Variants in VWA2 observed in about 807,000 individuals in gnomAD.
VWA2 encodes the protein von Willebrand factor A domain containing 2.
In VWA2, 73 loss-of-function variants were observed where a neutral mutation model predicts 70.4. The observed-to-expected ratio is 1.04, with a 90% CI of 0.86 to 1.26. The LOEUF (loss-of-function observed/expected upper bound fraction) is 1.26, where lower values mean the gene tolerates loss of function less well. Ranked by LOEUF, VWA2 falls within the 50% of genes most tolerant of loss-of-function variation. VWA2 has a pLI of 0.00. For missense variants in VWA2, 1,011 were observed against 998.5 expected, an observed-to-expected ratio of 1.01 and a Z score of -0.17; for synonymous variants, 407 against 423.3, an observed-to-expected ratio of 0.96 and a Z score of 0.47.
intron 5 of VWA2, among the ~76,000 whole-genome samples, chr10:114,272,232 A>T (rs948528542): frequency 1.3e-5 from 2 of 152,236 alleles, no homozygotes; most frequent in Non-Finnish European, 2.9e-5. Flanking sequence ...TCCAGCTCCC[A>T]ACCCTGAATT....
In VWA2 at chr10:114,251,526, G is replaced by T. The variant is rs186592052; in HGVS notation, c.53-2125G>T. Among the ~76,000 whole-genome samples, 24 of 152,358 alleles carry T rather than the reference G, an allele frequency of 1.6e-4. 1 individual carries two copies. In the East Asian group the frequency reaches 3.7e-3, roughly 23 times the overall value. On this transcript the variant is annotated intron_variant, in intron 2 of 13. Coordinates refer to ENST00000392982, the MANE Select transcript of VWA2 (RefSeq NM_001272046.2). ...AGTTTGCTGGTAAGATATTTTAAAA[G>T]AAACTGTATTTTTCTGTTCTTTTTG...
intron 5 of VWA2, among the ~76,000 whole-genome samples, chr10:114,265,152 A>G (rs2133340470): frequency 6.6e-6 from 1 of 152,358 alleles, no homozygotes; most frequent in Admixed American, 6.5e-5. Flanking sequence ...GGGGTAAAGA[A>G]TAGATTTTGG....
At chr10:114,284,452 G>A (rs1332299683) in intron 9 of VWA2, among the ~76,000 whole-genome samples, 1 of 152,190 alleles carries the variant, frequency 6.6e-6, no homozygotes, top group African/African-American at 2.4e-5. Context: ...TGCAGGATCC[G>A]AAGGCTGGTG....
intron 2 of VWA2, among the ~76,000 whole-genome samples, chr10:114,249,775 C>T (rs533308045): frequency 5.9e-5 from 9 of 152,238 alleles, no homozygotes; most frequent in South Asian, 4.1e-4. Flanking sequence ...GTCTTTACAG[C>T]GGCCATTTCA....
At chr10:114,249,350 G>A (rs949507916) in intron 2 of VWA2, among the ~76,000 whole-genome samples, 11 of 152,102 alleles carry the variant, frequency 7.2e-5, no homozygotes, top group South Asian at 4.2e-4. Flanking sequence ...TCCACCTCCC[G>A]GTTCAAGTGA....
At chr10:114,261,037 CCTT>C in intron 4 of VWA2, 146 bp from the exon 5 acceptor site, 1 of 601,164 alleles carries the variant, frequency 1.7e-6, no homozygotes, top group East Asian at 2.8e-5. Context: ...TTTGGAACCT[CCTT>C]CTAGGGAGAC....
Position 114,254,940 on chromosome 10 carries a change from C to T in VWA2, c.153C>T (p.Asp51=). Residue 51 remains aspartate, a synonymous_variant, in exon 4 of 14, where the codon GAC becomes GAT. Coordinates refer to ENST00000392982, the MANE Select transcript of VWA2 (RefSeq NM_001272046.2). ...SKMMWCSAAV[D]IMFLLDGSNS... is the part of the protein sequence containing the mutation. ...TGATGTGGTGCTCGGCTGCAGTGGA[C>T]ATCATGTTTCTGTTAGATGGGTCTA... 1 of 1,613,440 alleles carries T rather than the reference C, an allele frequency of 6.2e-7. No homozygotes were observed. Among genetic ancestry groups the T allele is most frequent in the Non-Finnish European group, 8.5e-7 (1 of 1,179,930 alleles).
intron 2 of VWA2, among the ~76,000 whole-genome samples, chr10:114,251,190 G>A (rs1169044336): frequency 3.9e-5 from 6 of 152,230 alleles, no homozygotes; most frequent in Admixed American, 6.5e-5. Context: ...CTGAAGTTCC[G>A]GAGCCCAGGC....
At chr10:114,243,928 C>T (rs987216122) in intron 1 of VWA2, among the ~76,000 whole-genome samples, 4 of 152,124 alleles carry the variant, frequency 2.6e-5, no homozygotes, top group African/African-American at 7.2e-5. Flanking sequence ...AGATCAGGGG[C>T]GTGGAGAGCA....
chr10:114,244,596 G>GT (rs1417539064), intron 1 of VWA2, among the ~76,000 whole-genome samples: 13 of 152,002 alleles, frequency 8.6e-5, no homozygotes, highest in Admixed American at 2.6e-4. Flanking sequence ...TCATTACATG[G>GT]TAGTAGCTGT....
Position 114,284,980 on chromosome 10 carries a change from C to T in VWA2, c.997+10C>T, listed in dbSNP as rs757787037. On this transcript the variant is annotated intron_variant, in intron 10 of 13. Coordinates refer to ENST00000392982, the MANE Select transcript of VWA2 (RefSeq NM_001272046.2). The stretch of plus-strand genomic sequence containing the variant: ...GGGGAGGCTAACTGTGGTAGGTATG[C>T]ACCGGCCCTGCAAGACTGACCACTG... The T allele has an allele frequency of 6.3e-7, 1 of 1,580,412 alleles. No individual in the cohort carries two copies. The highest frequency in any genetic ancestry group is 1.2e-5 in the South Asian group (1 of 85,776).
intron 5 of VWA2, among the ~76,000 whole-genome samples, chr10:114,263,755 T>C (rs549595509): frequency 2.0e-5 from 3 of 152,384 alleles, no homozygotes; most frequent in East Asian, 3.9e-4. Context: ...ACACATTTAA[T>C]GTGTACAATT....
chr10:114,283,170 A>G (rs1026835567), intron 9 of VWA2, among the ~76,000 whole-genome samples: 2 of 152,270 alleles, frequency 1.3e-5, no homozygotes, highest in African/African-American at 4.8e-5. Flanking sequence ...TTGCCCTTCA[A>G]TGTGTAGGTG....
At position 114,271,017 on chromosome 10, in the gene VWA2, C is replaced by T. The variant is rs1037659320; in HGVS notation, c.372-1723C>T. Among the ~76,000 whole-genome samples, 13 of 152,260 alleles carry T rather than the reference C, an allele frequency of 8.5e-5. No homozygotes were observed. The East Asian group carries it at 2.5e-3, about 29-fold the overall frequency. Reference sequence around the variant, plus strand: ...GCTTTTTCCCCTCTGAAGCCTGCTCCCTGACAGCTCCACCCCACAATGAAT... The same window carrying T: ...GCTTTTTCCCCTCTGAAGCCTGCTCTCTGACAGCTCCACCCCACAATGAAT... On this transcript the variant is annotated intron_variant, in intron 5 of 13. Transcript: ENST00000392982.
chr10:114,282,402 C>A, intron 8 of VWA2, 114 bp from the exon 9 acceptor site: 2 of 832,310 alleles, frequency 2.4e-6, no homozygotes, highest in Admixed American at 2.0e-5. Context: ...GGAAGTCTTT[C>A]TTACTTCTGC....
At chr10:114,246,248 C>T in intron 1 of VWA2, 1 of 814,474 alleles carries the variant, frequency 1.2e-6, no homozygotes. Flanking sequence ...CGCCTGTAAT[C>T]CCAGCACTTC....
At position 114,272,911 on chromosome 10, in the gene VWA2, T is replaced by A; in HGVS notation, c.543T>A (p.Phe181Leu). 6.2e-7 allele frequency: 1 copy of A among 1,612,932 alleles called. No homozygotes were observed. Among genetic ancestry groups the A allele is most frequent in the Non-Finnish European group, 8.5e-7 (1 of 1,179,424 alleles). The change falls in exon 6 of 14, where the codon TTT (phenylalanine) becomes TTA (leucine). Residue 181 changes from phenylalanine (F) to leucine (L), a missense_variant. Phe to Leu is a conservative substitution (Grantham distance 22). Transcript: ENST00000392982. ...TGAAGGAAAGGGGTGTCACTGTGTT[T>A]GCTGTGGGGGTCAGGTTTCCCAGGT... ...KQLKERGVTV[F>L]AVGVRFPRWE...
intron 6 of VWA2, 129 bp downstream of exon 6, chr10:114,273,063 C>A: frequency 1.4e-6 from 1 of 729,776 alleles, no homozygotes; most frequent in Non-Finnish European, 2.1e-6. Flanking sequence ...CTTTTCCTCA[C>A]TTTGCCATTT....
At chr10:114,255,273 G>A (rs2133309300) in intron 4 of VWA2, among the ~76,000 whole-genome samples, 1 of 145,698 alleles carries the variant, frequency 6.9e-6, no homozygotes, top group East Asian at 2.0e-4. Context: ...TCTTTTGGTT[G>A]ACTTCCTTCT....
Sources: gnomAD v4.1 joint callset for allele counts (sites outside exome capture counted in the v4.1 genomes callset) on GRCh38, gnomAD v4.1.1 for gene constraint, MANE v1.5 for transcripts, NCBI Gene and HGNC (gene_info 2026-07-23, HGNC 2026-07-21) for gene names.